Variants in C4orf51 observed in about 807,000 individuals in gnomAD.
C4orf51 encodes the protein uncharacterized protein C4orf51.
C4orf51 carries 25 observed loss-of-function variants against 25.2 expected under a neutral mutation model. The ratio of observed to expected loss-of-function variants is 0.99; its 90% CI spans 0.72 to 1.39. C4orf51 has a LOEUF of 1.39. Among genes scored for constraint, C4orf51 ranks in the 40% most tolerant of loss-of-function variants. The pLI, the probability that C4orf51 is intolerant of heterozygous loss-of-function variation, is 0.00. For missense variants in C4orf51, 252 were observed against 239.6 expected, an observed-to-expected ratio of 1.05 and a Z score of -0.34; for synonymous variants, 100 against 84.5, an observed-to-expected ratio of 1.18 and a Z score of -1.01.
At chr4:145,771,397 T>G (rs1187722161), downstream of C4orf51, among the ~76,000 whole-genome samples, 2 of 152,244 alleles carry the variant, frequency 1.3e-5, no homozygotes, top group East Asian at 3.8e-4. Flanking sequence ...ATAGGGATTC[T>G]GTAAGTTATC....
intron 1 of C4orf51, chr4:145,759,965 G>C (rs987508851): frequency 6.6e-6 from 1 of 151,728 alleles, no homozygotes; most frequent in Admixed American, 6.6e-5. Flanking sequence ...ATTTGTCTAC[G>C]TGTGGGCACA....
chr4:145,750,377 G>A (rs193231245), intron 1 of C4orf51, among the ~76,000 whole-genome samples: 1 of 147,260 alleles, frequency 6.8e-6, no homozygotes, highest in Non-Finnish European at 1.5e-5. Flanking sequence ...ATGTTTGAAG[G>A]ATATTTTCAC....
downstream of C4orf51, among the ~76,000 whole-genome samples, chr4:145,756,832 T>C (rs1031144821): frequency 6.6e-5 from 10 of 152,236 alleles, no homozygotes; most frequent in African/African-American, 2.4e-4. Flanking sequence ...GACTGGCCAT[T>C]TTCAAAGTGG....
In C4orf51 at chr4:145,768,916, T is replaced by TATATAAAA. The variant is rs34051922; in HGVS notation, n.167-2072_167-2071insATATAAAA. On this transcript the variant is annotated intron_variant and non_coding_transcript_variant, in intron 1 of 1. Coordinates refer to the C4orf51 transcript ENST00000510096. ...ATATATATATATATATATATATATA[T>TATATAAAA]TAGGTATACAAAGTTTGGAAATAGA... 3.0e-3 allele frequency among the ~76,000 whole-genome samples: 104 copies of TATATAAAA among 34,414 alleles called. 17 individuals are homozygous for TATATAAAA. Among genetic ancestry groups the TATATAAAA allele is most frequent in the African/African-American group, 3.5e-3 (34 of 9,640 alleles). The allele number at this position is 34,414 out of a possible 152,430, so 22.6% of individuals were successfully genotyped here.
intron 1 of C4orf51, among the ~76,000 whole-genome samples, chr4:145,767,014 T>C (rs1216600592): frequency 6.6e-6 from 1 of 152,120 alleles, no homozygotes; most frequent in Admixed American, 6.5e-5. Context: ...GCACCCAACA[T>C]GGTAAAAACC....
chr4:145,727,011 C>T (rs1283034587), intron 3 of C4orf51, 42 bp downstream of exon 3: 1 of 1,480,882 alleles, frequency 6.8e-7, no homozygotes, highest in Non-Finnish European at 9.4e-7. Context: ...CTGTAGAGAG[C>T]TTAAATTATT....
intron 1 of C4orf51, among the ~76,000 whole-genome samples, chr4:145,683,799 G>A (rs1457845466): frequency 6.6e-6 from 1 of 152,136 alleles, no homozygotes; most frequent in African/African-American, 2.4e-5. Context: ...ACTCCTAGAA[G>A]ATAACAGGAG....
Position 145,763,143 on chromosome 4 carries a change from T to G in C4orf51, n.167-7845T>G. The G allele has an allele frequency of 6.5e-7, 1 of 1,535,632 alleles. No individual in the cohort carries two copies. Among genetic ancestry groups the G allele is most frequent in the Non-Finnish European group, 8.7e-7 (1 of 1,146,516 alleles). On this transcript the variant is annotated intron_variant and non_coding_transcript_variant, in intron 1 of 1. Coordinates refer to the C4orf51 transcript ENST00000510096. The surrounding 1 kb of genome is among the most constrained non-coding windows in gnomAD (Gnocchi z 4.6). Reference sequence around the variant, plus strand: ...CTGAGCTACGGCAAAAGAAAAATAATAGTATAATCTTATTTGATCTGCATT... The same window carrying G: ...CTGAGCTACGGCAAAAGAAAAATAAGAGTATAATCTTATTTGATCTGCATT...
chr4:145,779,006 C>G, the C4orf51 span, among the ~76,000 whole-genome samples: 3 of 152,276 alleles, frequency 2.0e-5, no homozygotes, highest in East Asian at 3.9e-4. Flanking sequence ...ACCAAGGTGC[C>G]TTTTCCCTGG....
intron 5 of C4orf51, among the ~76,000 whole-genome samples, chr4:145,732,030 G>A (rs772929331): frequency 6.6e-6 from 1 of 152,136 alleles, no homozygotes; most frequent in Non-Finnish European, 1.5e-5. Context: ...TCTTAGTTTC[G>A]AAAGTATTTG....
downstream of C4orf51, chr4:145,757,621 CA>C (rs1292651702): frequency 1.3e-5 from 2 of 149,450 alleles, no homozygotes; most frequent in Admixed American, 1.3e-4. Flanking sequence ...GAAAAAGAAA[CA>C]AGAGTATAGC....
intron 2 of C4orf51, among the ~76,000 whole-genome samples, chr4:145,706,779 T>C (rs924037674): frequency 6.6e-6 from 1 of 150,934 alleles, no homozygotes; most frequent in Non-Finnish European, 1.5e-5. Flanking sequence ...TAGCTGGGAC[T>C]ACAAGGTTCC....
intron 1 of C4orf51, among the ~76,000 whole-genome samples, chr4:145,687,024 C>T (rs1729203141): frequency 6.6e-6 from 1 of 151,430 alleles, no homozygotes; most frequent in Non-Finnish European, 1.5e-5. Context: ...TTTCCTTCTA[C>T]CCCTTTGAAA....
chr4:145,693,644 G>C (rs868178165), intron 1 of C4orf51, among the ~76,000 whole-genome samples: 1 of 102,578 alleles, frequency 9.7e-6, no homozygotes, highest in Non-Finnish European at 2.0e-5. Context: ...CGGACGGGGC[G>C]GCTGGCCGGG....
intron 1 of C4orf51, among the ~76,000 whole-genome samples, chr4:145,764,296 T>C (rs1269175800): frequency 6.6e-6 from 1 of 152,228 alleles, no homozygotes; most frequent in East Asian, 1.9e-4. Flanking sequence ...AGGACATACA[T>C]TTCTTGAGGG....
chr4:145,734,261 C>G (rs1732673806), downstream of C4orf51, among the ~76,000 whole-genome samples: 1 of 152,140 alleles, frequency 6.6e-6, no homozygotes, highest in South Asian at 2.1e-4. Flanking sequence ...AAAAAGGGAA[C>G]CGGCAGGTTC....
At chr4:145,706,691 A>G (rs1224391043) in intron 2 of C4orf51, among the ~76,000 whole-genome samples, 1 of 151,872 alleles carries the variant, frequency 6.6e-6, no homozygotes, top group Non-Finnish European at 1.5e-5. Flanking sequence ...CCCAGCCTGG[A>G]GTGCAGTGGC....
intron 2 of C4orf51, among the ~76,000 whole-genome samples, chr4:145,720,731 G>A (rs6823837): frequency 0.21 from 31,988 of 152,056 alleles, 3,555 homozygotes; most frequent in Middle Eastern, 0.29. Context: ...TTTTCCCCTA[G>A]GGTCACCCTT....
At chr4:145,709,298 C>T (rs1027251310) in intron 2 of C4orf51, among the ~76,000 whole-genome samples, 5 of 152,158 alleles carry the variant, frequency 3.3e-5, no homozygotes, top group Admixed American at 6.5e-5. Flanking sequence ...CTTCCAAAGC[C>T]ACTGAAAAAC....
Sources: gnomAD v4.1 joint callset for allele counts (sites outside exome capture counted in the v4.1 genomes callset) on GRCh38, gnomAD v4.1.1 for gene constraint, Gnocchi (gnomAD v3.1) non-coding constraint, MANE v1.5 for transcripts, NCBI Gene and HGNC (gene_info 2026-07-23, HGNC 2026-07-21) for gene names.